SLC8A1: variants seen among roughly 807,000 people sequenced by gnomAD.
The protein encoded by SLC8A1 is sodium/calcium exchanger 1.
In SLC8A1, 18 loss-of-function variants were observed where a neutral mutation model predicts 68.3. The observed-to-expected ratio is 0.26, with a 90% confidence interval of 0.18 to 0.39. The LOEUF (loss-of-function observed/expected upper bound fraction) is 0.39, where lower values mean the gene tolerates loss of function less well. Ranked by LOEUF, SLC8A1 falls within the 10% of genes least tolerant of loss-of-function variation. The pLI is 1.00. For synonymous variants in SLC8A1, 475 were observed against 415.5 expected (o/e 1.14, Z -1.74); for missense variants, 985 against 1,156.7 (o/e 0.85, Z 2.15).
chr2:40,128,442 G>A (rs996634879), intron 7 of SLC8A1, among the ~76,000 whole-genome samples: 1 of 152,176 alleles, frequency 6.6e-6, no homozygotes, highest in Non-Finnish European at 1.5e-5. Context: ...TAATGGATTT[G>A]AATTGATTTA....
rs536790237 is a variant in SLC8A1, at chr2:40,191,332, T to TA, written c.1809-13478dup. Among the ~76,000 whole-genome samples the TA allele has an allele frequency of 1.1e-3, 162 of 152,228 alleles. 1 individual carries two copies. Among genetic ancestry groups the TA allele is most frequent in the African/African-American group, 3.8e-3 (156 of 41,552 alleles). On this transcript the variant is annotated intron_variant, in intron 2 of 7. Coordinates refer to ENST00000406785, the Ensembl canonical transcript of SLC8A1. ...TCTTTTCTGGGTATTCCATTTAGCT[T>TA]AAAAAAACATCAGTTATCATTTTGG...
intron 1 of SLC8A1, among the ~76,000 whole-genome samples, chr2:40,492,499 C>G (rs1383260172): frequency 1.3e-5 from 2 of 151,882 alleles, no homozygotes; most frequent in South Asian, 2.1e-4. Context: ...CAAATGGGAT[C>G]TAATTAAACT....
chr2:40,392,505 A>T (rs1685626456), intron 2 of SLC8A1, among the ~76,000 whole-genome samples: 1 of 152,088 alleles, frequency 6.6e-6, no homozygotes, highest in South Asian at 2.1e-4. Flanking sequence ...CATCCTATGC[A>T]TCTTAGTAAT....
chr2:40,227,962 C>G (rs778484619), intron 2 of SLC8A1, among the ~76,000 whole-genome samples: 1 of 152,034 alleles, frequency 6.6e-6, no homozygotes. Flanking sequence ...GTTTTACATA[C>G]GTAAAATTCA....
intron 2 of SLC8A1, among the ~76,000 whole-genome samples, chr2:40,365,644 G>C (rs1376246212): frequency 6.6e-6 from 1 of 152,016 alleles, no homozygotes; most frequent in Non-Finnish European, 1.5e-5. Context: ...TTGATGACCT[G>C]TCTATACCTA....
At chr2:40,296,181 G>A (rs2070343063) in intron 2 of SLC8A1, among the ~76,000 whole-genome samples, 1 of 152,128 alleles carries the variant, frequency 6.6e-6, no homozygotes, top group Non-Finnish European at 1.5e-5. Flanking sequence ...TACTCCTTCT[G>A]TAGCAACTGA....
exon 8 of SLC8A1, chr2:40,104,362 G>A (rs2034072207): frequency 6.6e-6 from 1 of 152,198 alleles, no homozygotes; most frequent in Non-Finnish European, 1.5e-5. Flanking sequence ...TTCCCAACTT[G>A]AAATGTTGAA....
At chr2:40,172,378 G>GTGA (rs2047651696) in intron 4 of SLC8A1, among the ~76,000 whole-genome samples, 1 of 152,124 alleles carries the variant, frequency 6.6e-6, no homozygotes, top group Admixed American at 6.5e-5. Context: ...TTAGGAAGAG[G>GTGA]TGATGGTAAT....
At chr2:40,329,766 C>A (rs1009509303) in intron 2 of SLC8A1, among the ~76,000 whole-genome samples, 3 of 152,136 alleles carry the variant, frequency 2.0e-5, no homozygotes, top group African/African-American at 7.2e-5. Context: ...AGGGAAGACT[C>A]CCAGGTTGCA....
chr2:40,343,965 C>G (rs1480677961), intron 2 of SLC8A1, among the ~76,000 whole-genome samples: 1 of 152,014 alleles, frequency 6.6e-6, no homozygotes, highest in Admixed American at 6.6e-5. Flanking sequence ...TGCCAGTACC[C>G]GCATCAGGTA....
At chr2:40,439,543 T>G (rs1700098455) in intron 1 of SLC8A1, among the ~76,000 whole-genome samples, 1 of 152,174 alleles carries the variant, frequency 6.6e-6, no homozygotes, top group Non-Finnish European at 1.5e-5. Flanking sequence ...GAAACCAATC[T>G]CAAGTTGAAT....
chr2:40,490,329 C>T (rs1390587222), intron 1 of SLC8A1, among the ~76,000 whole-genome samples: 1 of 152,030 alleles, frequency 6.6e-6, no homozygotes, highest in Non-Finnish European at 1.5e-5. Flanking sequence ...TTTAGTATTT[C>T]AAAAGGAAAT....
chr2:40,358,178 T>C (rs1209676072), intron 2 of SLC8A1, among the ~76,000 whole-genome samples: 1 of 151,964 alleles, frequency 6.6e-6, no homozygotes, highest in East Asian at 1.9e-4. Flanking sequence ...CATTCATTCA[T>C]TATTCATTCA....
At position 40,428,880 on chromosome 2, in the gene SLC8A1, C is replaced by G; in HGVS notation, c.1401G>C (p.Lys467Asn). The change falls in exon 2 of 8, where the codon AAG becomes AAC. Residue 467 changes from lysine (K) to asparagine (N), a missense_variant. Lys to Asn is a moderately conservative substitution (Grantham distance 94, BLOSUM62 0). Coordinates refer to ENST00000406785, the Ensembl canonical transcript of SLC8A1. ...TGATTTCCTTCTGGGTATCACCAGGCTTAAACACCACAGTTCCTTCAGTAA... is the reference window on the plus strand; with the variant it reads ...TGATTTCCTTCTGGGTATCACCAGGGTTAAACACCACAGTTCCTTCAGTAA... 2 of 1,613,782 alleles carry G rather than the reference C, an allele frequency of 1.2e-6. No individual in the cohort carries two copies. The highest frequency in any genetic ancestry group is 1.7e-6 in the Non-Finnish European group (2 of 1,179,888).
intron 6 of SLC8A1, among the ~76,000 whole-genome samples, chr2:40,146,869 G>A (rs886755705): frequency 1.3e-5 from 2 of 152,136 alleles, no homozygotes; most frequent in Non-Finnish European, 2.9e-5. Context: ...CTGTCCCACG[G>A]GACTAGTGCT....
intron 1 of SLC8A1, among the ~76,000 whole-genome samples, chr2:40,503,121 G>C (rs6722707): frequency 0.021 from 3,265 of 151,972 alleles, 103 homozygotes; most frequent in African/African-American, 0.07. Flanking sequence ...TGTTTCTGTA[G>C]GTATGATATA....
chr2:40,453,324 T>G (rs773624102), upstream of SLC8A1: 1 of 152,180 alleles, frequency 6.6e-6, no homozygotes, highest in South Asian at 2.1e-4. Context: ...GAGCAGCTAC[T>G]TGGGGAAGGT....
intron 2 of SLC8A1, among the ~76,000 whole-genome samples, chr2:40,294,548 A>G (rs1376134422): frequency 6.6e-6 from 1 of 152,096 alleles, no homozygotes; most frequent in Non-Finnish European, 1.5e-5. Context: ...ATATATATAT[A>G]TGGGGAGAGA....
rs574489540 is a variant in SLC8A1, at chr2:40,172,812, C to T, written c.1930+2013G>A. ...AAAAAATTAGCTAGGCGTGGTGGCACGTGCCTGTAGTCCCAGACACTCGGG... is the reference window on the plus strand; with the variant it reads ...AAAAAATTAGCTAGGCGTGGTGGCATGTGCCTGTAGTCCCAGACACTCGGG... On this transcript the variant is annotated intron_variant, in intron 4 of 7. Coordinates refer to ENST00000406785, the Ensembl canonical transcript of SLC8A1. Among the ~76,000 whole-genome samples the T allele has an allele frequency of 7.2e-5, 11 of 152,034 alleles. No individual in the cohort carries two copies. In the East Asian group the frequency reaches 7.8e-4, roughly 11 times the overall value.
Sources: gnomAD v4.1 joint callset for allele counts (sites outside exome capture counted in the v4.1 genomes callset) on GRCh38, gnomAD v4.1.1 for gene constraint, MANE v1.5 for transcripts, NCBI Gene and HGNC (gene_info 2026-07-23, HGNC 2026-07-21) for gene names.